Variants in C1orf105 observed in about 807,000 individuals in gnomAD.
C1orf105 encodes the protein uncharacterized protein C1orf105.
C1orf105 carries 17 observed loss-of-function variants against 20.8 expected under a neutral mutation model. The ratio of observed to expected loss-of-function variants is 0.82; its 90% CI spans 0.56 to 1.23. The LOEUF (loss-of-function observed/expected upper bound fraction) is 1.23, where lower values mean the gene tolerates loss of function less well. C1orf105 is among the 50% of genes most tolerant of loss of function. The pLI, the probability that C1orf105 is intolerant of heterozygous loss-of-function variation, is 0.00. For synonymous variants in C1orf105, 72 were observed against 72.1 expected (o/e 1.00, Z 0.01); for missense variants, 219 against 213.5 (o/e 1.03, Z -0.16).
chr1:172,423,135 A>G (rs1170502099), intron 1 of C1orf105, among the ~76,000 whole-genome samples: 1 of 152,196 alleles, frequency 6.6e-6, no homozygotes, highest in East Asian at 1.9e-4. Context: ...TTGAGCGAAC[A>G]TAGATGGTAG....
chr1:172,457,505 G>A (rs868168742), intron 4 of C1orf105, among the ~76,000 whole-genome samples: 12 of 152,302 alleles, frequency 7.9e-5, no homozygotes, highest in Admixed American at 1.3e-4. Flanking sequence ...TGAAGCTACC[G>A]GCAAAGCTGC....
chr1:172,430,862 T>A (rs2071853192), intron 1 of C1orf105, among the ~76,000 whole-genome samples: 1 of 115,882 alleles, frequency 8.6e-6, no homozygotes, highest in Non-Finnish European at 2.1e-5. Context: ...TTGGTAATTA[T>A]GACAATATTT....
chr1:172,458,989 A>G (rs1256557626), intron 4 of C1orf105, among the ~76,000 whole-genome samples: 1 of 152,198 alleles, frequency 6.6e-6, no homozygotes, highest in Non-Finnish European at 1.5e-5. Context: ...CTGCATAGAT[A>G]CATGCAAAAG....
chr1:172,461,601 T>C (rs1047349997), intron 4 of C1orf105, among the ~76,000 whole-genome samples: 4 of 152,228 alleles, frequency 2.6e-5, no homozygotes, highest in African/African-American at 7.2e-5. Flanking sequence ...TTTAGGCCTA[T>C]ATGAAAGACA....
intron 1 of C1orf105, among the ~76,000 whole-genome samples, chr1:172,440,511 G>C (rs1409592104): frequency 6.6e-6 from 1 of 152,198 alleles, no homozygotes; most frequent in Non-Finnish European, 1.5e-5. Context: ...ACATAGAACA[G>C]TTGTGGCCCA....
intron 3 of C1orf105, among the ~76,000 whole-genome samples, chr1:172,452,370 G>A (rs1035222869): frequency 1.3e-5 from 2 of 152,168 alleles, no homozygotes; most frequent in Non-Finnish European, 2.9e-5. Flanking sequence ...AGTTACAAGT[G>A]GGAAGGAGAA....
intron 6 of C1orf105, among the ~76,000 whole-genome samples, chr1:172,467,535 C>A (rs1650150494): frequency 1.3e-5 from 2 of 152,166 alleles, no homozygotes; most frequent in Admixed American, 6.5e-5. Context: ...GGCCTACCAC[C>A]TGGCATGGTG....
chr1:172,463,080 T>A (rs1358347004), intron 5 of C1orf105, among the ~76,000 whole-genome samples: 1 of 152,076 alleles, frequency 6.6e-6, no homozygotes, highest in Non-Finnish European at 1.5e-5. Context: ...CCCCACCTAG[T>A]TTTTCAAAGA....
chr1:172,442,708 G>A, intron 1 of C1orf105: 1 of 1,160,530 alleles, frequency 8.6e-7, no homozygotes, highest in East Asian at 2.4e-5. Flanking sequence ...GTTTTGAAAT[G>A]AGACCTCCCT....
chr1:172,445,227 G>A, intron 2 of C1orf105, 69 bp downstream of exon 2: 4 of 1,261,852 alleles, frequency 3.2e-6, no homozygotes, highest in Non-Finnish European at 3.4e-6. Flanking sequence ...CTTCTTAAGG[G>A]ATGGGGACAA....
At chr1:172,459,292 T>A (rs1406133155) in intron 4 of C1orf105, among the ~76,000 whole-genome samples, 1 of 152,098 alleles carries the variant, frequency 6.6e-6, no homozygotes. Context: ...AAGGATTATG[T>A]CAGATAAGGG....
chr1:172,428,599 C>T (rs561510370), intron 1 of C1orf105, among the ~76,000 whole-genome samples: 25 of 152,262 alleles, frequency 1.6e-4, no homozygotes, highest in African/African-American at 6.0e-4. Flanking sequence ...CTGAATTACT[C>T]CCTCACTTCC....
At chr1:172,461,083 G>A (rs151129988) in intron 4 of C1orf105, among the ~76,000 whole-genome samples, 196 of 152,290 alleles carry the variant, frequency 1.3e-3, no homozygotes, top group African/African-American at 4.5e-3. Context: ...CACATTCTCA[G>A]CCACTTTTAT....
chr1:172,453,166 G>C, intron 3 of C1orf105: 4 of 1,551,028 alleles, frequency 2.6e-6, no homozygotes, highest in Non-Finnish European at 3.5e-6. Context: ...TGGAGGCCAG[G>C]CTTCAGCTGA....
chr1:172,427,379 C>CAACT (rs1472099993), intron 1 of C1orf105, among the ~76,000 whole-genome samples: 1 of 152,194 alleles, frequency 6.6e-6, no homozygotes, highest in East Asian at 1.9e-4. Flanking sequence ...CTCACACCAT[C>CAACT]AACTAACAAC....
intron 1 of C1orf105, among the ~76,000 whole-genome samples, chr1:172,432,381 C>T (rs1384867125): frequency 2.0e-5 from 3 of 152,216 alleles, no homozygotes; most frequent in South Asian, 2.1e-4. Flanking sequence ...CTCTCTGGGA[C>T]GAAGATTCCA....
chr1:172,467,310 G>T lies in C1orf105; in HGVS notation c.407-1139G>T, dbSNP rs138135700. 2.3e-4 allele frequency among the ~76,000 whole-genome samples: 35 copies of T among 152,280 alleles called. No individual in the cohort carries two copies. In the East Asian group the frequency reaches 6.6e-3, roughly 29 times the overall value. Reference sequence around the variant, plus strand: ...CTGCCAATGACTGTCTAACTCAACTGTTGGTCACAATGATTGCTAGCATTT... The same window carrying T: ...CTGCCAATGACTGTCTAACTCAACTTTTGGTCACAATGATTGCTAGCATTT... On this transcript the variant is annotated intron_variant, in intron 6 of 6. Coordinates refer to ENST00000367727, the MANE Select transcript of C1orf105 (RefSeq NM_139240.4).
chr1:172,442,230 A>T, intron 1 of C1orf105: 1 of 1,613,998 alleles, frequency 6.2e-7, no homozygotes, highest in Non-Finnish European at 8.5e-7. Context: ...GTGAAAACCC[A>T]TAAGTGAAAG....
intron 3 of C1orf105, among the ~76,000 whole-genome samples, chr1:172,454,631 G>A (rs961000824): frequency 6.6e-6 from 1 of 151,942 alleles, no homozygotes; most frequent in African/African-American, 2.4e-5. Context: ...CCAGGTTGTT[G>A]TATAGTGTTT....
Sources: allele counts gnomAD v4.1 joint callset (sites outside exome capture counted in the v4.1 genomes callset), GRCh38; gene constraint gnomAD v4.1.1; transcripts MANE v1.5; gene names NCBI Gene and HGNC (gene_info 2026-07-23, HGNC 2026-07-21).